The following CDK14 variants were observed in gnomAD, a reference collection of about 807,000 sequenced individuals.
CDK14 encodes cyclin-dependent kinase 14.
A neutral mutation model predicts 60.7 loss-of-function variants in CDK14; 34 were observed. The ratio of observed to expected loss-of-function variants is 0.56; its 90% CI spans 0.43 to 0.75. The LOEUF (loss-of-function observed/expected upper bound fraction) is 0.75, where lower values mean the gene tolerates loss of function less well. CDK14 is among the 30% of genes least tolerant of loss of function. CDK14 has a pLI of 0.00. For synonymous variants in CDK14, 197 were observed against 203.7 expected, an observed-to-expected ratio of 0.97 and a Z score of 0.28; for missense variants, 482 against 564.1, an observed-to-expected ratio of 0.85 and a Z score of 1.47.
intron 10 of CDK14, among the ~76,000 whole-genome samples, chr7:90,997,119 C>T (rs1795709049): frequency 6.6e-6 from 1 of 152,176 alleles, no homozygotes; most frequent in Non-Finnish European, 1.5e-5. Context: ...TTTCTTTCCT[C>T]CTCCTGGACC....
intron 2 of CDK14, among the ~76,000 whole-genome samples, chr7:90,666,757 T>G (rs1236433663): frequency 1.3e-5 from 2 of 152,220 alleles, no homozygotes; most frequent in Non-Finnish European, 2.9e-5. Flanking sequence ...TTGAATGGAT[T>G]CCATGACATC....
At chr7:90,876,698 A>G (rs1791574457) in intron 6 of CDK14, among the ~76,000 whole-genome samples, 1 of 152,250 alleles carries the variant, frequency 6.6e-6, no homozygotes, top group African/African-American at 2.4e-5. Context: ...AGGAGAATAC[A>G]AGGTAGATCC....
intron 11 of CDK14, among the ~76,000 whole-genome samples, chr7:91,049,211 C>T (rs61335836): frequency 0.018 from 2,797 of 152,110 alleles, 88 homozygotes; most frequent in African/African-American, 0.064. Flanking sequence ...GAAATTATCC[C>T]TTTGTCCATG....
At chr7:90,840,829 T>A (rs574447466) in intron 5 of CDK14, among the ~76,000 whole-genome samples, 7 of 152,344 alleles carry the variant, frequency 4.6e-5, no homozygotes, top group African/African-American at 1.7e-4. Flanking sequence ...ACCAAAGGGC[T>A]ACAGCTGTTC....
intron 5 of CDK14, among the ~76,000 whole-genome samples, chr7:90,827,137 A>G (rs187238453): frequency 6.6e-6 from 1 of 152,056 alleles, no homozygotes; most frequent in African/African-American, 2.4e-5. Context: ...AATCCCGTCA[A>G]CCACTCATGT....
chr7:90,811,151 A>T (rs2117041369), intron 5 of CDK14, among the ~76,000 whole-genome samples: 1 of 152,342 alleles, frequency 6.6e-6, no homozygotes, highest in East Asian at 1.9e-4. Context: ...AAGAGCCCCC[A>T]TTGCCAAGTC....
intron 4 of CDK14, among the ~76,000 whole-genome samples, chr7:90,785,873 A>AGAT (rs1805560939): frequency 6.6e-6 from 1 of 152,044 alleles, no homozygotes; most frequent in South Asian, 2.1e-4. Context: ...TAGGGCACAC[A>AGAT]GATGTGTGGA....
chr7:91,088,454 C>T (rs1370696878), intron 12 of CDK14, among the ~76,000 whole-genome samples: 1 of 152,134 alleles, frequency 6.6e-6, no homozygotes, highest in Non-Finnish European at 1.5e-5. Context: ...CAACTCCCAA[C>T]ACAATTATTT....
intron 4 of CDK14, among the ~76,000 whole-genome samples, chr7:90,777,397 G>A (rs1355255239): frequency 2.0e-5 from 3 of 152,302 alleles, no homozygotes; most frequent in Admixed American, 6.5e-5. Flanking sequence ...TTCAGTTTTG[G>A]AGAGACCAGG....
intron 5 of CDK14, among the ~76,000 whole-genome samples, chr7:90,862,731 T>C (rs1349803099): frequency 6.6e-6 from 1 of 152,206 alleles, no homozygotes; most frequent in Non-Finnish European, 1.5e-5. Flanking sequence ...CTATGGAATG[T>C]ATACCAAGAT....
At chr7:91,125,757 TCAAATACTGAACTGTTAA>T (rs1253626486) in intron 14 of CDK14, among the ~76,000 whole-genome samples, 19 of 152,176 alleles carry the variant, frequency 1.2e-4, no homozygotes, top group Admixed American at 4.6e-4. Flanking sequence ...AAGCATGGAA[TCAAATACTGAACTGTTAA>T]CCTCAATATT....
At chr7:91,146,120 AAAT>A (rs1377199569) in intron 14 of CDK14, among the ~76,000 whole-genome samples, 1 of 152,174 alleles carries the variant, frequency 6.6e-6, no homozygotes, top group African/African-American at 2.4e-5. Context: ...CAGAATGTCA[AAAT>A]AAGTACCAAG....
chr7:90,620,732 T>A (rs148647387), intron 2 of CDK14, among the ~76,000 whole-genome samples: 190 of 152,272 alleles, frequency 1.2e-3, no homozygotes, highest in South Asian at 2.5e-3. Flanking sequence ...CACGTGACAT[T>A]TGGGCCATCC....
chr7:90,919,432 A>G (rs1394724448), intron 8 of CDK14, among the ~76,000 whole-genome samples: 1 of 152,174 alleles, frequency 6.6e-6, no homozygotes, highest in Admixed American at 6.5e-5. Context: ...TTTAAAACTG[A>G]CATTTTAAAA....
chr7:90,801,235 G>A (rs1788620324), intron 5 of CDK14, among the ~76,000 whole-genome samples: 1 of 152,080 alleles, frequency 6.6e-6, no homozygotes, highest in Non-Finnish European at 1.5e-5. Context: ...TGTACTACAT[G>A]GTGGTTTTGA....
intron 10 of CDK14, among the ~76,000 whole-genome samples, chr7:90,986,575 TCAAGA>T (rs1304675140): frequency 1.3e-5 from 2 of 152,016 alleles, no homozygotes; most frequent in African/African-American, 4.8e-5. Flanking sequence ...TTTGTTCTAC[TCAAGA>T]CTTTACTTTT....
At chr7:91,132,453 C>T (rs1800148172) in intron 14 of CDK14, among the ~76,000 whole-genome samples, 1 of 152,224 alleles carries the variant, frequency 6.6e-6, no homozygotes, top group South Asian at 2.1e-4. Context: ...TCTTGAATGA[C>T]ATGCTGAAGA....
intron 14 of CDK14, among the ~76,000 whole-genome samples, chr7:91,204,917 C>T (rs1802838690): frequency 6.6e-6 from 1 of 150,980 alleles, no homozygotes; most frequent in Admixed American, 6.6e-5. Flanking sequence ...CACTGCACTC[C>T]AGCTTGGGTG....
chr7:91,052,038 C>A (rs1396687562), intron 11 of CDK14, among the ~76,000 whole-genome samples: 4 of 152,158 alleles, frequency 2.6e-5, no homozygotes, highest in African/African-American at 7.2e-5. Flanking sequence ...TTCTCCAGAC[C>A]AGTAGAATCA....
Sources: allele counts gnomAD v4.1 joint callset (sites outside exome capture counted in the v4.1 genomes callset), GRCh38; gene constraint gnomAD v4.1.1; transcripts MANE v1.5; gene names NCBI Gene and HGNC (gene_info 2026-07-23, HGNC 2026-07-21).